The following NEURL1B variants were observed in gnomAD, a reference collection of about 807,000 sequenced individuals.
The protein encoded by NEURL1B is E3 ubiquitin-protein ligase NEURL1B.
NEURL1B carries 13 observed loss-of-function variants against 37.4 expected under a neutral mutation model. That is an observed-to-expected ratio of 0.35 (90% CI 0.23 to 0.55). The LOEUF (loss-of-function observed/expected upper bound fraction) is 0.55. NEURL1B is among the 20% of genes least tolerant of loss of function. NEURL1B has a pLI of 0.89. For missense variants in NEURL1B, 790 were observed against 879.2 expected, an observed-to-expected ratio of 0.90 and a Z score of 1.28; for synonymous variants, 432 against 426.6, an observed-to-expected ratio of 1.01 and a Z score of -0.16.
intron 1 of NEURL1B, among the ~76,000 whole-genome samples, chr5:172,656,182 G>T (rs1241601911): frequency 2.6e-5 from 4 of 152,136 alleles, no homozygotes; most frequent in Admixed American, 2.6e-4. Context: ...GGGAGTCAGG[G>T]CAGAGCAGGT....
rs1008017342 is a variant in NEURL1B, at chr5:172,665,946, G to C, written c.32-3839G>C. Among the ~76,000 whole-genome samples, 31 of 152,198 alleles carry C rather than the reference G, an allele frequency of 2.0e-4. No individual in the cohort carries two copies. The highest frequency in any genetic ancestry group is 7.0e-4 in the African/African-American group (29 of 41,442). On this transcript the variant is annotated intron_variant, in intron 1 of 4. Transcript: ENST00000369800. This position sits in a 1 kb window ranked among gnomAD's most constrained non-coding sequence, Gnocchi z 4.1. ...ATCTCCACGAAGGCAGGATGTGTGT[G>C]ATCTGCAGAAAGAATAACTGGATGA... is the stretch of plus-strand genomic sequence containing the variant.
At chr5:172,645,622 C>A (rs1757545239) in intron 1 of NEURL1B, among the ~76,000 whole-genome samples, 1 of 152,210 alleles carries the variant, frequency 6.6e-6, no homozygotes, top group Non-Finnish European at 1.5e-5. Flanking sequence ...CTCCCCCTTC[C>A]CCAGGCACAA....
chr5:172,677,661 A>C (rs1581436182), intron 2 of NEURL1B, among the ~76,000 whole-genome samples: 1 of 151,528 alleles, frequency 6.6e-6, no homozygotes, highest in Non-Finnish European at 1.5e-5. Flanking sequence ...CTTGGTGCCC[A>C]CCCCCTCGGC....
Position 172,656,670 on chromosome 5 carries a change from G to C in NEURL1B, c.32-13115G>C, listed in dbSNP as rs181655290. 1,550 of 1,562,880 alleles carry C rather than the reference G, an allele frequency of 9.9e-4. 3 individuals carry two copies. Among genetic ancestry groups the C allele is most frequent in the Middle Eastern group, 2.2e-3 (10 of 4,618 alleles). ...GTCCATCTCCTTGGCCTACTTCTTG[G>C]GCTGTTTCAGTGGCTTCTTCTTGCC... On this transcript the variant is annotated intron_variant, in intron 1 of 4. Transcript: ENST00000369800.
chr5:172,667,834 T>C (rs916361593), intron 1 of NEURL1B, among the ~76,000 whole-genome samples: 2 of 141,652 alleles, frequency 1.4e-5, no homozygotes, highest in Admixed American at 1.4e-4. Flanking sequence ...AATCAAACAA[T>C]AGGATCTCCC....
At position 172,663,829 on chromosome 5, in the gene NEURL1B, T is replaced by TTTTTTTTTTTTATTATTATTA. The variant is rs138220033; in HGVS notation, c.32-5954_32-5953insTTTTTTTTTATTATTATTATT. 1.1e-4 allele frequency among the ~76,000 whole-genome samples: 15 copies of TTTTTTTTTTTTATTATTATTA among 140,846 alleles called. No homozygotes were observed. In the South Asian group the frequency reaches 1.2e-3, roughly 11 times the overall value. 92.4% of individuals were successfully genotyped at this position (140,846 alleles called of 152,430 possible). A position where few individuals can be genotyped will look rare whatever the true frequency, so the allele number is the denominator to read the frequency against. On this transcript the variant is annotated intron_variant, in intron 1 of 4. Coordinates refer to ENST00000369800, the MANE Select transcript of NEURL1B (RefSeq NM_001142651.3). ...TTCCTGGCAAAAGAGGTTTTATTTG[T>TTTTTTTTTTTTATTATTATTA]TTATTATTATTATTATTATTATTAT...
At chr5:172,645,459 G>A (rs145139059) in intron 1 of NEURL1B, among the ~76,000 whole-genome samples, 17 of 152,340 alleles carry the variant, frequency 1.1e-4, no homozygotes, top group African/African-American at 3.6e-4. Flanking sequence ...CATGGGTGGT[G>A]TTGCTCCCAG....
intron 3 of NEURL1B, 101 bp downstream of exon 3, chr5:172,684,239 G>C: frequency 9.8e-7 from 1 of 1,015,474 alleles, no homozygotes; most frequent in Non-Finnish European, 1.2e-6. Context: ...CTCGCTAGGC[G>C]CTGCACCGCC....
rs1281515756 is a variant in NEURL1B, at chr5:172,688,167, C to A, written c.*1242C>A. ...ATCTCTGCAGACTCCCAGATCACATCTGGGCTGATGGGCTGGCCCAGGCCT... is the reference window on the plus strand; with the variant it reads ...ATCTCTGCAGACTCCCAGATCACATATGGGCTGATGGGCTGGCCCAGGCCT... On this transcript the variant is annotated 3_prime_UTR_variant, in exon 5 of 5. Transcript: ENST00000369800. The surrounding 1 kb of genome is among the most constrained non-coding windows in gnomAD (Gnocchi z 4.3). 1 of 152,856 alleles carries A rather than the reference C, an allele frequency of 6.5e-6. No homozygotes were observed. Among genetic ancestry groups the A allele is most frequent in the Non-Finnish European group, 1.5e-5 (1 of 68,178 alleles). The allele number at this position is 152,856 out of a possible 1,614,324, so 9.5% of individuals were successfully genotyped here.
At chr5:172,679,103 T>C (rs981146436) in intron 2 of NEURL1B, among the ~76,000 whole-genome samples, 1 of 152,248 alleles carries the variant, frequency 6.6e-6, no homozygotes, top group Non-Finnish European at 1.5e-5. Flanking sequence ...AACTCCAACT[T>C]TGGCCGGAGG....
At chr5:172,642,163 G>C (rs1757475756) in intron 1 of NEURL1B, among the ~76,000 whole-genome samples, 1 of 152,234 alleles carries the variant, frequency 6.6e-6, no homozygotes, top group African/African-American at 2.4e-5. Context: ...CCGCGCCCGC[G>C]CGTGCCCGTG....
rs1364103579 is a variant in NEURL1B at position 172,689,204 on chromosome 5, C to T, written c.*2279C>T. On this transcript the variant is annotated 3_prime_UTR_variant, in exon 5 of 5. Coordinates refer to ENST00000369800, the MANE Select transcript of NEURL1B (RefSeq NM_001142651.3). ...TAAGGAAGTGTTTATCTTCTAAAAA[C>T]CAGACGTTTCCTGATGCTCTGAGCG... 6.6e-6 allele frequency: 1 copy of T among 152,230 alleles called. No individual in the cohort carries two copies. The highest frequency in any genetic ancestry group is 1.5e-5 in the Non-Finnish European group (1 of 68,046). 9.4% of individuals were successfully genotyped at this position (152,230 alleles called of 1,614,324 possible).
At chr5:172,666,233 G>A (rs760188628) in intron 1 of NEURL1B, among the ~76,000 whole-genome samples, 5 of 152,126 alleles carry the variant, frequency 3.3e-5, no homozygotes, top group African/African-American at 4.8e-5. Context: ...CACACACCTG[G>A]CTTCAATCCC....
intron 1 of NEURL1B, among the ~76,000 whole-genome samples, chr5:172,652,153 G>A (rs540997589): frequency 1.3e-5 from 2 of 152,376 alleles, no homozygotes; most frequent in African/African-American, 4.8e-5. Context: ...TGAACTTAGT[G>A]TTGGGAGATG....
In NEURL1B at chr5:172,663,838, A is replaced by G. The variant is rs1193882374; in HGVS notation, c.32-5947A>G. On this transcript the variant is annotated intron_variant, in intron 1 of 4. Transcript: ENST00000369800. ...AAAGAGGTTTTATTTGTTTATTATT[A>G]TTATTATTATTATTATTATTTACCA... 3.4e-5 allele frequency among the ~76,000 whole-genome samples: 5 copies of G among 147,146 alleles called. No individual in the cohort carries two copies. The East Asian group carries it at 9.9e-4, about 29-fold the overall frequency.
At chr5:172,678,838 C>T (rs79805730) in intron 2 of NEURL1B, among the ~76,000 whole-genome samples, 1 of 152,186 alleles carries the variant, frequency 6.6e-6, no homozygotes, top group Non-Finnish European at 1.5e-5. Context: ...TCCCTGCCTT[C>T]ATTTTCGTGT....
intron 2 of NEURL1B, among the ~76,000 whole-genome samples, chr5:172,674,566 G>C (rs1758192182): frequency 6.6e-6 from 1 of 152,130 alleles, no homozygotes; most frequent in Admixed American, 6.5e-5. Flanking sequence ...CACTTCCCAG[G>C]CTGCACCCAG....
chr5:172,680,788 T>C (rs1169469682), intron 2 of NEURL1B, among the ~76,000 whole-genome samples: 1 of 152,212 alleles, frequency 6.6e-6, no homozygotes, highest in African/African-American at 2.4e-5. Context: ...TTTTGTTCAT[T>C]TGATGTTATA....
chr5:172,668,524 T>C (rs1402930026), intron 1 of NEURL1B, among the ~76,000 whole-genome samples: 1 of 152,080 alleles, frequency 6.6e-6, no homozygotes, highest in Non-Finnish European at 1.5e-5. Flanking sequence ...CTGCCCTAGC[T>C]CCCATCAGGC....
Sources: gnomAD v4.1 joint callset for allele counts (sites outside exome capture counted in the v4.1 genomes callset) on GRCh38, gnomAD v4.1.1 for gene constraint, Gnocchi (gnomAD v3.1) non-coding constraint, MANE v1.5 for transcripts, NCBI Gene and HGNC (gene_info 2026-07-23, HGNC 2026-07-21) for gene names.